Variants in CPLANE1 observed in about 807,000 individuals in gnomAD.
The protein encoded by CPLANE1 is ciliogenesis and planar polarity effector complex subunit 1.
A neutral mutation model predicts 362.5 loss-of-function variants in CPLANE1; 263 were observed. The observed-to-expected ratio is 0.73, with a 90% CI of 0.66 to 0.80. The LOEUF (loss-of-function observed/expected upper bound fraction) is 0.80. Ranked by LOEUF, CPLANE1 falls within the 30% of genes least tolerant of loss-of-function variation. The probability of loss-of-function intolerance (pLI) is 0.00; values close to 1 mark genes in which losing one functional copy is unlikely to be tolerated. For synonymous variants in CPLANE1, 1,212 were observed against 1,302.6 expected, an observed-to-expected ratio of 0.93 and a Z score of 1.50; for missense variants, 3,461 against 3,793.4, an observed-to-expected ratio of 0.91 and a Z score of 2.30.
the CPLANE1 span, among the ~76,000 whole-genome samples, chr5:37,093,465 A>C: frequency 6.6e-6 from 1 of 152,182 alleles, no homozygotes; most frequent in South Asian, 2.1e-4. Context: ...GCAGACGTAA[A>C]GCAACTTAAA....
intron 26 of CPLANE1, 88 bp downstream of exon 26, chr5:37,182,672 G>C: frequency 1.2e-6 from 1 of 828,060 alleles, no homozygotes; most frequent in Non-Finnish European, 1.8e-6. Flanking sequence ...ATTATTTAAT[G>C]ATTCTTTAAA....
chr5:37,138,662 A>G, intron 46 of CPLANE1, 58 bp downstream of exon 46: 1 of 1,534,460 alleles, frequency 6.5e-7, no homozygotes, highest in Non-Finnish European at 8.9e-7. Flanking sequence ...ACAAATTTTG[A>G]ACATTCTTGA....
At chr5:37,201,527 A>G in intron 19 of CPLANE1, 64 bp downstream of exon 19, 1 of 1,342,070 alleles carries the variant, frequency 7.5e-7, no homozygotes, top group Non-Finnish European at 1.0e-6. Context: ...TATCAAGTTA[A>G]TTATTTTAAA....
At chr5:37,082,895 GC>G in the CPLANE1 span, among the ~76,000 whole-genome samples, 3 of 152,170 alleles carry the variant, frequency 2.0e-5, no homozygotes, top group Non-Finnish European at 4.4e-5. Context: ...GCACTAGACT[GC>G]AGCTCCGATC....
chr5:37,232,204 A>G (rs1797869913), intron 8 of CPLANE1, among the ~76,000 whole-genome samples: 1 of 152,182 alleles, frequency 6.6e-6, no homozygotes, highest in Non-Finnish European at 1.5e-5. Context: ...TACAGGATAC[A>G]TATGTAGGGA....
At chr5:37,134,386 G>A (rs1766937540) in intron 46 of CPLANE1, among the ~76,000 whole-genome samples, 1 of 152,116 alleles carries the variant, frequency 6.6e-6, no homozygotes, top group South Asian at 2.1e-4. Flanking sequence ...GTGTTTCCAG[G>A]AATTTATCCA....
In CPLANE1 at chr5:37,187,849, C is replaced by T; in HGVS notation, c.3812-7G>A. ...CAAAGTTCTCTGAAGCAACCTAAAG[C>T]AGGAACACAAATATGAAAGAAAATC... On this transcript the variant is annotated splice_region_variant and splice_polypyrimidine_tract_variant and intron_variant, in intron 21 of 52. Coordinates refer to ENST00000651892, the MANE Select transcript of CPLANE1 (RefSeq NM_001384732.1). The T allele has an allele frequency of 6.2e-7, 1 of 1,602,886 alleles. No individual in the cohort carries two copies. Among genetic ancestry groups the T allele is most frequent in the Non-Finnish European group, 8.5e-7 (1 of 1,172,156 alleles).
At chr5:37,134,819 G>A (rs372515861) in intron 46 of CPLANE1, among the ~76,000 whole-genome samples, 5 of 138,268 alleles carry the variant, frequency 3.6e-5, no homozygotes, top group East Asian at 4.1e-4. Flanking sequence ...TTTTGAGAAA[G>A]TTTTGCTCTT....
At chr5:37,103,538 A>C (rs1757398542), downstream of CPLANE1, among the ~76,000 whole-genome samples, 1 of 152,160 alleles carries the variant, frequency 6.6e-6, no homozygotes, top group African/African-American at 2.4e-5. Context: ...TACTTCCTTC[A>C]GGAGCTCTTG....
At chr5:37,095,681 TAAC>T in the CPLANE1 span, among the ~76,000 whole-genome samples, 1 of 152,174 alleles carries the variant, frequency 6.6e-6, no homozygotes, top group Non-Finnish European at 1.5e-5. Flanking sequence ...TAGAAAACCT[TAAC>T]AATTCCTCCA....
the CPLANE1 span, among the ~76,000 whole-genome samples, chr5:37,097,809 A>G: frequency 6.6e-6 from 1 of 152,192 alleles, no homozygotes; most frequent in East Asian, 1.9e-4. Flanking sequence ...ACAAAAATGG[A>G]GAGGATTCAT....
At chr5:37,131,793 G>A (rs1765908780) in intron 46 of CPLANE1, among the ~76,000 whole-genome samples, 1 of 151,994 alleles carries the variant, frequency 6.6e-6, no homozygotes, top group Non-Finnish European at 1.5e-5. Flanking sequence ...GCCTCCCAAA[G>A]TGCTGGGATT....
chr5:37,098,967 C>T, the CPLANE1 span, among the ~76,000 whole-genome samples: 1 of 134,404 alleles, frequency 7.4e-6, no homozygotes, highest in Non-Finnish European at 1.6e-5. Flanking sequence ...AAATAAACAA[C>T]CTAACAATGA....
intron 47 of CPLANE1, among the ~76,000 whole-genome samples, chr5:37,124,056 A>G (rs1188528615): frequency 2.0e-5 from 3 of 152,056 alleles, no homozygotes; most frequent in African/African-American, 4.8e-5. Context: ...CTGGGCTATC[A>G]AGAAAACGTT....
At chr5:37,148,120 G>T in intron 43 of CPLANE1, 61 bp downstream of exon 43, 1 of 1,264,982 alleles carries the variant, frequency 7.9e-7, no homozygotes, top group Non-Finnish European at 1.1e-6. Flanking sequence ...ACAAAACAAT[G>T]CACATTCTTT....
In CPLANE1 at chr5:37,205,088, T is replaced by G. The variant is rs1022051390; in HGVS notation, c.3289+227A>C. ...AGGAGAATTGCTTGAACCCGGCAGG[T>G]AGAGTTTGCAGTGAGCTAAGATCAC... On this transcript the variant is annotated intron_variant, in intron 18 of 52. Transcript: ENST00000651892. The G allele has an allele frequency of 7.9e-6, 2 of 252,098 alleles. 1 individual carries two copies. The highest frequency in any genetic ancestry group is 3.3e-4 in the South Asian group (2 of 6,134). 15.6% of individuals were successfully genotyped at this position (252,098 alleles called of 1,614,324 possible). A position where few individuals can be genotyped will look rare whatever the true frequency, so the allele number is the denominator to read the frequency against.
At chr5:37,136,611 C>T (rs771884702) in intron 46 of CPLANE1, among the ~76,000 whole-genome samples, 3 of 152,242 alleles carry the variant, frequency 2.0e-5, no homozygotes, top group Non-Finnish European at 4.4e-5. Context: ...CCCTCCCACA[C>T]TGCCCTAGCA....
Position 37,227,377 on chromosome 5 carries a change from G to C in CPLANE1, c.1387C>G (p.Leu463Val). 1 of 1,533,536 alleles carries C rather than the reference G, an allele frequency of 6.5e-7. No homozygotes were observed. Among genetic ancestry groups the C allele is most frequent in the Non-Finnish European group, 8.8e-7 (1 of 1,140,268 alleles). 95.0% of individuals were successfully genotyped at this position (1,533,536 alleles called of 1,614,324 possible). ...AGGGAATTCAGTGATCGCAAGTTCA[G>C]TCCTTTGCCTTTTGGCTAAAGAAGA... ...VILSKPKGKGLNLRSLNSLRS... is the reference protein window; with the variant it reads ...VILSKPKGKGVNLRSLNSLRS... Residue 463 changes from leucine (L) to valine (V), a missense_variant, in exon 11 of 53, where the codon CTG becomes GTG. By Grantham distance (32) the Leu-to-Val change is conservative. Transcript: ENST00000651892.
At chr5:37,098,869 G>C in the CPLANE1 span, among the ~76,000 whole-genome samples, 1 of 134,248 alleles carries the variant, frequency 7.4e-6, no homozygotes. Flanking sequence ...ACAACCTATG[G>C]AACACAGCAA....
Sources: allele counts gnomAD v4.1 joint callset (sites outside exome capture counted in the v4.1 genomes callset), GRCh38; gene constraint gnomAD v4.1.1; transcripts MANE v1.5; gene names NCBI Gene and HGNC (gene_info 2026-07-23, HGNC 2026-07-21).